The following ZNF737 variants were observed in gnomAD, a reference collection of about 807,000 sequenced individuals.
ZNF737 encodes zinc finger protein 737, also known as zinc finger protein 102 (Y3).
ZNF737 carries 13 observed loss-of-function variants against 11.7 expected under a neutral mutation model. The observed-to-expected ratio is 1.11, with a 90% CI of 0.73 to 1.77. The LOEUF is 1.77. Ranked by LOEUF, ZNF737 falls within the 40% of genes most tolerant of loss-of-function variation. ZNF737 has a pLI of 0.00. For synonymous variants in ZNF737, 217 were observed against 216.2 expected, an observed-to-expected ratio of 1.00 and a Z score of -0.03; for missense variants, 636 against 638.0, an observed-to-expected ratio of 1.00 and a Z score of 0.03.
At position 20,540,496 on chromosome 19, in the gene ZNF737, C is replaced by T. The variant is rs1968157323; in HGVS notation, c.*4096G>A. Among the ~76,000 whole-genome samples, 1 of 152,246 alleles carries T rather than the reference C, an allele frequency of 6.6e-6. No homozygotes were observed. The highest frequency in any genetic ancestry group is 6.5e-5 in the Admixed American group (1 of 15,296). On this transcript the variant is annotated 3_prime_UTR_variant, in exon 4 of 4. Transcript: ENST00000427401. ...TCATCTTTTGCTGGGCACGGTGGCT[C>T]ATGATTCTAATACCAGCACCGTGGG...
rs7249742 is a variant in ZNF737, at chr19:20,543,001, C to G, written c.*1591G>C. 54,250 of 984,462 alleles carry G rather than the reference C, an allele frequency of 0.055. 1,662 individuals are homozygous for G. Among genetic ancestry groups the G allele is most frequent in the Middle Eastern group, 0.13 (251 of 1,910 alleles). 61.0% of individuals were successfully genotyped at this position (984,462 alleles called of 1,614,324 possible). A position where few individuals can be genotyped will look rare whatever the true frequency, so the allele number is the denominator to read the frequency against. On this transcript the variant is annotated 3_prime_UTR_variant, in exon 4 of 4. Coordinates refer to ENST00000427401, the MANE Select transcript of ZNF737 (RefSeq NM_001159293.2). Reference sequence around the variant, plus strand: ...TAAATAGAAATCATTTACCTAAAAACTGCAGTTGTGGATTAGTTTTTATAT... The same window carrying G: ...TAAATAGAAATCATTTACCTAAAAAGTGCAGTTGTGGATTAGTTTTTATAT...
chr19:20,557,892 G>C (rs1968948683), intron 1 of ZNF737, among the ~76,000 whole-genome samples: 1 of 152,062 alleles, frequency 6.6e-6, no homozygotes, highest in African/African-American at 2.4e-5. Context: ...TGGGATTACA[G>C]GCATGAGCAA....
downstream of ZNF737, among the ~76,000 whole-genome samples, chr19:20,534,667 A>T (rs1348002211): frequency 6.7e-6 from 1 of 150,104 alleles, no homozygotes; most frequent in Non-Finnish European, 1.5e-5. Context: ...TACATATCAA[A>T]AAATCTACTT....
downstream of ZNF737, chr19:20,535,976 ATTTTC>A (rs1967950818): frequency 5.7e-6 from 4 of 698,150 alleles, no homozygotes; most frequent in African/African-American, 3.9e-5. Context: ...CAGGGGTTAT[ATTTTC>A]TTTTATTTTC....
chr19:20,541,345 A>G lies in ZNF737; in HGVS notation c.*3247T>C. 1 of 983,826 alleles carries G rather than the reference A, an allele frequency of 1.0e-6. No individual in the cohort carries two copies. Among genetic ancestry groups the G allele is most frequent in the Non-Finnish European group, 1.2e-6 (1 of 828,474 alleles). The allele number at this position is 983,826 out of a possible 1,614,324, so 60.9% of individuals were successfully genotyped here. ...GTGTATATTTAACTCTATGTAAATT[A>G]AAACTAAAAGTCTATGTGTTTGCAG... On this transcript the variant is annotated 3_prime_UTR_variant, in exon 4 of 4. Transcript: ENST00000427401.
intron 1 of ZNF737, among the ~76,000 whole-genome samples, chr19:20,557,648 C>A (rs12971340): frequency 6.6e-6 from 1 of 150,588 alleles, no homozygotes; most frequent in Non-Finnish European, 1.5e-5. Flanking sequence ...ATGCAGTCTC[C>A]CTCTGTCACA....
chr19:20,552,364 ATT>A, intron 3 of ZNF737, 109 bp downstream of exon 3: 1 of 680,682 alleles, frequency 1.5e-6, no homozygotes, highest in Non-Finnish European at 2.2e-6. Flanking sequence ...CCCAGGAACT[ATT>A]TTCTTTGGAG....
At chr19:20,532,182 C>T (rs1271383460), downstream of ZNF737, among the ~76,000 whole-genome samples, 10 of 149,980 alleles carry the variant, frequency 6.7e-5, 1 homozygote, top group Admixed American at 2.7e-4. Flanking sequence ...GGGCCTGTCT[C>T]GACAAAGCCA....
At position 20,538,444 on chromosome 19, in the gene ZNF737, G is replaced by T. The variant is rs2144574731; in HGVS notation, c.*6148C>A. 6.6e-6 allele frequency among the ~76,000 whole-genome samples: 1 copy of T among 152,298 alleles called. No homozygotes were observed. Among genetic ancestry groups the T allele is most frequent in the East Asian group, 1.9e-4 (1 of 5,194 alleles). ...GCTAAACAATTGGGACATACAGAAT[G>T]TGAGGTCCCATTCCAGCCAATGAAA... is the stretch of plus-strand genomic sequence containing the variant. On this transcript the variant is annotated 3_prime_UTR_variant, in exon 4 of 4. Transcript: ENST00000427401.
Position 20,545,687 on chromosome 19 carries a change from A to G in ZNF737, c.516T>C (p.Pro172=). ...CTTTGCCACATTCTATACATTTGAA[A>G]GGTTTTTTTCCAGTATGTCTTATCT... ...RHKIRHTGKK[P]FKCIECGKAF... The change falls in exon 4 of 4, where the codon CCT becomes CCC. Residue 172 remains proline (P), a synonymous_variant. Coordinates refer to ENST00000427401, the MANE Select transcript of ZNF737 (RefSeq NM_001159293.2). 6.2e-7 allele frequency: 1 copy of G among 1,613,552 alleles called. No homozygotes were observed. Among genetic ancestry groups the G allele is most frequent in the South Asian group, 1.1e-5 (1 of 91,012 alleles).
In ZNF737 at chr19:20,545,631, T is replaced by C. The variant is rs781868465; in HGVS notation, c.572A>G (p.His191Arg). 2.0e-5 allele frequency: 33 copies of C among 1,613,968 alleles called. No individual in the cohort carries two copies. Among genetic ancestry groups the C allele is most frequent in the African/African-American group, 2.7e-5 (2 of 74,946 alleles). ...TTTCTCCCCAGTATGAATTTTCTTA[T>C]GTGTAGTAAGGGTTGAAGACTGGTT... ...AFNQSSTLTTHKKIHTGEKPF... is the reference protein window; with the variant it reads ...AFNQSSTLTTRKKIHTGEKPF... Residue 191 changes from histidine (H) to arginine (R), a missense_variant, in exon 4 of 4, where the codon CAT becomes CGT. Transcript: ENST00000427401.
chr19:20,538,063 C>T lies in ZNF737; in HGVS notation c.*6529G>A. On this transcript the variant is annotated 3_prime_UTR_variant, in exon 4 of 4. Coordinates refer to ENST00000427401, the MANE Select transcript of ZNF737 (RefSeq NM_001159293.2). ...ATGTTTTCAGTAATCACTCTGAACACAGCATTCTCAGTTCACAGTGTAAAA... is the reference window on the plus strand; with the variant it reads ...ATGTTTTCAGTAATCACTCTGAACATAGCATTCTCAGTTCACAGTGTAAAA... 2.0e-6 allele frequency: 2 copies of T among 982,944 alleles called. No homozygotes were observed. Among genetic ancestry groups the T allele is most frequent in the Non-Finnish European group, 2.4e-6 (2 of 827,704 alleles). The allele number at this position is 982,944 out of a possible 1,614,324, so 60.9% of individuals were successfully genotyped here.
At chr19:20,556,690 A>G (rs782099102) in intron 1 of ZNF737, among the ~76,000 whole-genome samples, 2 of 152,154 alleles carry the variant, frequency 1.3e-5, no homozygotes, top group Non-Finnish European at 2.9e-5. Flanking sequence ...AACAAGGACA[A>G]CCCATCTCCA....
chr19:20,552,737 G>A (rs1555758907), intron 2 of ZNF737, among the ~76,000 whole-genome samples, 167 bp from the exon 3 acceptor site: 2 of 151,902 alleles, frequency 1.3e-5, no homozygotes, highest in Non-Finnish European at 2.9e-5. Flanking sequence ...AAATTTGCCA[G>A]GTGCAGTTAC....
intron 1 of ZNF737, 60 bp from the exon 2 acceptor site, chr19:20,553,895 G>A: frequency 6.3e-7 from 1 of 1,581,802 alleles, no homozygotes; most frequent in Non-Finnish European, 8.6e-7. Flanking sequence ...TTTTTAATTT[G>A]ACTTAAGTTC....
intron 3 of ZNF737, 99 bp from the exon 4 acceptor site, chr19:20,546,075 G>A (rs1968446208): frequency 1.5e-6 from 2 of 1,358,512 alleles, no homozygotes; most frequent in Non-Finnish European, 2.0e-6. Flanking sequence ...ACATAAGCAA[G>A]ATGACACAGC....
intron 1 of ZNF737, among the ~76,000 whole-genome samples, chr19:20,561,203 G>A (rs1969079390): frequency 6.6e-6 from 1 of 152,186 alleles, no homozygotes; most frequent in Non-Finnish European, 1.5e-5. Flanking sequence ...ATGAACAGCT[G>A]ATTCAAAATG....
In ZNF737 at chr19:20,553,837, T is replaced by A; in HGVS notation, c.4-2A>T. On this transcript the variant is annotated splice_acceptor_variant, in intron 1 of 3. Transcript: ENST00000427401. LOFTEE classifies it high-confidence loss of function. Reference sequence around the variant, plus strand: ...CACGTCTCTAAATTGCAATGGCCCCTGAAACACACACACAACATACGTTTT... The same window carrying A: ...CACGTCTCTAAATTGCAATGGCCCCAGAAACACACACACAACATACGTTTT... 6.2e-7 allele frequency: 1 copy of A among 1,612,490 alleles called. No homozygotes were observed. Among genetic ancestry groups the A allele is most frequent in the Non-Finnish European group, 8.5e-7 (1 of 1,179,556 alleles).
In ZNF737 at chr19:20,542,721, T is replaced by C. The variant is rs1968264701; in HGVS notation, c.*1871A>G. ...ACAGCTTCTCCACTTGTATTTTCAT[T>C]ATGCGTCTTACATTTTAATGTTCTT... On this transcript the variant is annotated 3_prime_UTR_variant, in exon 4 of 4. Transcript: ENST00000427401. 8 of 984,560 alleles carry C rather than the reference T, an allele frequency of 8.1e-6. No homozygotes were observed. Among genetic ancestry groups the C allele is most frequent in the Non-Finnish European group, 9.6e-6 (8 of 829,198 alleles). The allele number at this position is 984,560 out of a possible 1,614,324, so 61.0% of individuals were successfully genotyped here. A position where few individuals can be genotyped will look rare whatever the true frequency, so the allele number is the denominator to read the frequency against.
Sources: gnomAD v4.1 joint callset for allele counts (sites outside exome capture counted in the v4.1 genomes callset) on GRCh38, gnomAD v4.1.1 for gene constraint, MANE v1.5 for transcripts, NCBI Gene and HGNC (gene_info 2026-07-23, HGNC 2026-07-21) for gene names.